The following ZBTB7C variants were observed in gnomAD, a reference collection of about 807,000 sequenced individuals.
ZBTB7C encodes zinc finger and BTB domain-containing protein 7C.
Under a neutral mutation model 25.7 loss-of-function variants are expected in ZBTB7C, and 8 were observed. The ratio of observed to expected loss-of-function variants is 0.31; its 90% CI spans 0.18 to 0.56. The LOEUF is 0.56. Among genes scored for constraint, ZBTB7C ranks in the 20% least tolerant of loss-of-function variants. The pLI is 0.91. For synonymous variants in ZBTB7C, 394 were observed against 369.0 expected, an observed-to-expected ratio of 1.07 and a Z score of -0.78; for missense variants, 824 against 855.2, an observed-to-expected ratio of 0.96 and a Z score of 0.46.
chr18:48,325,613 T>C (rs553759757), intron 2 of ZBTB7C, among the ~76,000 whole-genome samples: 3 of 152,370 alleles, frequency 2.0e-5, no homozygotes, highest in African/African-American at 7.2e-5. Flanking sequence ...GTGCTCCAGC[T>C]ACCCAGGGAG....
At chr18:48,301,990 C>G (rs1271210472) in intron 2 of ZBTB7C, among the ~76,000 whole-genome samples, 1 of 152,166 alleles carries the variant, frequency 6.6e-6, no homozygotes, top group Admixed American at 6.5e-5. Context: ...CCTTTCCCAC[C>G]TAGAAGATGG....
chr18:48,133,503 C>G (rs2040050557), intron 3 of ZBTB7C, among the ~76,000 whole-genome samples: 1 of 152,180 alleles, frequency 6.6e-6, no homozygotes, highest in Non-Finnish European at 1.5e-5. Flanking sequence ...TTCACTCCAT[C>G]ATGATACCTC....
intron 3 of ZBTB7C, among the ~76,000 whole-genome samples, chr18:48,053,700 C>T (rs1235393493): frequency 6.6e-6 from 1 of 152,160 alleles, no homozygotes; most frequent in Non-Finnish European, 1.5e-5. Context: ...GCAGTATTTA[C>T]CCATTTAGCT....
intron 2 of ZBTB7C, among the ~76,000 whole-genome samples, chr18:48,214,949 T>C (rs891767597): frequency 6.6e-6 from 1 of 152,220 alleles, no homozygotes; most frequent in African/African-American, 2.4e-5. Flanking sequence ...GGTTTATATC[T>C]AGAAGTGGGA....
chr18:48,098,401 T>A (rs1169826799), intron 3 of ZBTB7C, among the ~76,000 whole-genome samples: 2 of 152,180 alleles, frequency 1.3e-5, no homozygotes, highest in Non-Finnish European at 2.9e-5. Context: ...GAAGGGATAC[T>A]AAACAAAGCC....
intron 2 of ZBTB7C, among the ~76,000 whole-genome samples, chr18:48,318,825 TGGAGGGGCCCCAAGCA>T (rs1266344214): frequency 6.6e-6 from 1 of 152,136 alleles, no homozygotes; most frequent in African/African-American, 2.4e-5. Flanking sequence ...GTCCCTGGTA[TGGAGGGGCCCCAAGCA>T]GGCCCCTTCT....
At chr18:48,172,321 G>A (rs889225603) in intron 3 of ZBTB7C, among the ~76,000 whole-genome samples, 1 of 152,202 alleles carries the variant, frequency 6.6e-6, no homozygotes, top group African/African-American at 2.4e-5. Flanking sequence ...GGCCCGTCAG[G>A]CAGCCATTTG....
In ZBTB7C at chr18:48,061,526, C is replaced by T. The variant is rs181748857; in HGVS notation, c.-16-20403G>A. ...AGGCCTTCAGGCCCACAAGCACCCC[C>T]AATTCCATCAGCATACTCAACAATG... On this transcript the variant is annotated intron_variant, in intron 3 of 4. Transcript: ENST00000590800. Among the ~76,000 whole-genome samples, 413 of 152,334 alleles carry T rather than the reference C, an allele frequency of 2.7e-3. 1 individual carries two copies. Among genetic ancestry groups the T allele is most frequent in the Non-Finnish European group, 3.8e-3 (260 of 68,044 alleles).
rs1393156711 is a variant in ZBTB7C, at chr18:48,259,503, C to T, written c.-78-73508G>A. Among the ~76,000 whole-genome samples, 7 of 125,712 alleles carry T rather than the reference C, an allele frequency of 5.6e-5. 1 individual carries two copies. Among genetic ancestry groups the T allele is most frequent in the Non-Finnish European group, 9.4e-5 (6 of 63,864 alleles). 82.5% of individuals were successfully genotyped at this position (125,712 alleles called of 152,430 possible). Reference sequence around the variant, plus strand: ...AGGCAATAATGTCTTAGATATGACACAAAAAGCACTATACATAAAAGAAAA... The same window carrying T: ...AGGCAATAATGTCTTAGATATGACATAAAAAGCACTATACATAAAAGAAAA... On this transcript the variant is annotated intron_variant, in intron 2 of 4. Transcript: ENST00000590800.
chr18:48,132,169 T>C (rs1459103957), intron 3 of ZBTB7C, among the ~76,000 whole-genome samples: 3 of 152,202 alleles, frequency 2.0e-5, no homozygotes, highest in East Asian at 1.9e-4. Context: ...GATTTACCCA[T>C]TATGGGTAAA....
intron 4 of ZBTB7C, among the ~76,000 whole-genome samples, chr18:48,031,682 C>G (rs2035754548): frequency 6.6e-6 from 1 of 152,218 alleles, no homozygotes; most frequent in Non-Finnish European, 1.5e-5. Flanking sequence ...AAAGGATTTG[C>G]ATTTCTAACC....
intron 3 of ZBTB7C, among the ~76,000 whole-genome samples, chr18:48,132,961 G>C (rs191835955): frequency 1.3e-5 from 2 of 152,322 alleles, no homozygotes; most frequent in East Asian, 3.9e-4. Flanking sequence ...ATTTGCATCT[G>C]GTTTGCATCT....
At chr18:48,276,798 T>C (rs975165581) in intron 2 of ZBTB7C, among the ~76,000 whole-genome samples, 2 of 105,854 alleles carry the variant, frequency 1.9e-5, no homozygotes, top group African/African-American at 7.7e-5. Flanking sequence ...TGATTTATAG[T>C]CATTTGGGTA....
At chr18:48,385,674 C>A (rs2047730938) in intron 1 of ZBTB7C, among the ~76,000 whole-genome samples, 1 of 152,248 alleles carries the variant, frequency 6.6e-6, no homozygotes, top group African/African-American at 2.4e-5. Context: ...AGAGAAGTAA[C>A]TGAAGCACAC....
intron 1 of ZBTB7C, among the ~76,000 whole-genome samples, chr18:48,363,949 T>C (rs2047168758): frequency 6.6e-6 from 1 of 151,660 alleles, no homozygotes; most frequent in Non-Finnish European, 1.5e-5. Flanking sequence ...TACCCTCCCA[T>C]ACCCACTCCA....
chr18:48,196,966 A>G (rs4940322), intron 2 of ZBTB7C, among the ~76,000 whole-genome samples: 137,506 of 152,258 alleles, frequency 0.9, 63,076 homozygotes, highest in East Asian at 0.99. Flanking sequence ...GGCCCCCACA[A>G]CCAATGTGTT....
At chr18:48,154,270 G>A (rs1456103955) in intron 3 of ZBTB7C, among the ~76,000 whole-genome samples, 1 of 152,202 alleles carries the variant, frequency 6.6e-6, no homozygotes, top group African/African-American at 2.4e-5. Flanking sequence ...AAGGCAGGAG[G>A]AAGCAGTCTG....
chr18:48,193,039 A>T, intron 2 of ZBTB7C, among the ~76,000 whole-genome samples: 1 of 152,070 alleles, frequency 6.6e-6, no homozygotes, highest in East Asian at 1.9e-4. Flanking sequence ...TCCCCACTGG[A>T]CTCCCAGGCC....
chr18:48,288,419 G>T (rs192021603), intron 2 of ZBTB7C, among the ~76,000 whole-genome samples: 1 of 152,100 alleles, frequency 6.6e-6, no homozygotes, highest in Non-Finnish European at 1.5e-5. Flanking sequence ...AGGCCAAACC[G>T]GGTGGATCAC....
Sources: allele counts gnomAD v4.1 joint callset (sites outside exome capture counted in the v4.1 genomes callset), GRCh38; gene constraint gnomAD v4.1.1; transcripts MANE v1.5; gene names NCBI Gene and HGNC (gene_info 2026-07-23, HGNC 2026-07-21).